The following TYW1B variants were observed in gnomAD, a reference collection of about 807,000 sequenced individuals.
TYW1B encodes the protein S-adenosyl-L-methionine-dependent tRNA 4-demethylwyosine synthase TYW1B.
TYW1B carries 73 observed loss-of-function variants against 86.9 expected under a neutral mutation model. The observed-to-expected ratio is 0.84, with a 90% confidence interval of 0.70 to 1.02. TYW1B has a LOEUF of 1.02. TYW1B is among the 50% of genes least tolerant of loss of function. TYW1B has a pLI of 0.00. For missense variants in TYW1B, 637 were observed against 827.4 expected (o/e 0.77, Z 2.82); for synonymous variants, 248 against 292.8 (o/e 0.85, Z 1.56).
chr7:72,760,118 C>T (rs1554466947), intron 7 of TYW1B, among the ~76,000 whole-genome samples: 1 of 152,108 alleles, frequency 6.6e-6, no homozygotes, highest in Admixed American at 6.6e-5. Context: ...TTAAGCAAAC[C>T]AGACAGGCAA....
At chr7:72,685,749 G>C (rs1486493712) in intron 11 of TYW1B, among the ~76,000 whole-genome samples, 1 of 152,114 alleles carries the variant, frequency 6.6e-6, no homozygotes, top group Admixed American at 6.6e-5. Context: ...CCTGGATTTG[G>C]AAATAACTTT....
In TYW1B at chr7:72,716,031, A is replaced by G. The variant is rs192980084; in HGVS notation, c.1193-2233T>C. Among the ~76,000 whole-genome samples, 1,024 of 152,290 alleles carry G rather than the reference A, an allele frequency of 6.7e-3. 13 individuals are homozygous for G. The highest frequency in any genetic ancestry group is 0.021 in the African/African-American group (882 of 41,562). On this transcript the variant is annotated intron_variant, in intron 9 of 13. Transcript: ENST00000620995. Reference sequence around the variant, plus strand: ...CTGCAAGCTCCACCTCCTCGGTTCAAGCCATTCTCCTGCCTCAGCCTCCCG... The same window carrying G: ...CTGCAAGCTCCACCTCCTCGGTTCAGGCCATTCTCCTGCCTCAGCCTCCCG...
chr7:72,638,698 T>C (rs1812728228), intron 11 of TYW1B, among the ~76,000 whole-genome samples: 1 of 152,194 alleles, frequency 6.6e-6, no homozygotes, highest in Non-Finnish European at 1.5e-5. Flanking sequence ...AGAAAACAGA[T>C]TTGGAAGAAA....
chr7:72,599,339 A>C (rs1427561604), intron 13 of TYW1B, among the ~76,000 whole-genome samples: 2 of 152,230 alleles, frequency 1.3e-5, no homozygotes, highest in Admixed American at 6.5e-5. Flanking sequence ...ATTGTAACTG[A>C]TTTATGATTA....
In TYW1B at chr7:72,665,652, C is replaced by T. The variant is rs376109927; in HGVS notation, c.1506+29035G>A. ...TCTTCTGAATTACCAAGTGGTTGCG[C>T]TTTGTTTACACTTTTGTTGGTCTTG... is the stretch of plus-strand genomic sequence containing the variant. On this transcript the variant is annotated intron_variant, in intron 11 of 13. Coordinates refer to ENST00000620995, the MANE Select transcript of TYW1B (RefSeq NM_001145440.3). Among the ~76,000 whole-genome samples, 8 of 152,264 alleles carry T rather than the reference C, an allele frequency of 5.3e-5. No individual in the cohort carries two copies. The East Asian group carries it at 1.4e-3, about 26-fold the overall frequency.
intron 11 of TYW1B, among the ~76,000 whole-genome samples, chr7:72,667,216 T>C (rs1813487114): frequency 6.6e-6 from 1 of 151,882 alleles, no homozygotes; most frequent in African/African-American, 2.4e-5. Context: ...AAGAAGCAAA[T>C]TAGTAGGCCT....
intron 13 of TYW1B, among the ~76,000 whole-genome samples, chr7:72,609,015 C>T (rs6954801): frequency 0.023 from 3,436 of 152,240 alleles, 140 homozygotes; most frequent in African/African-American, 0.076. Flanking sequence ...GTTGTACCAA[C>T]GTCTATTTCC....
intron 2 of TYW1B, among the ~76,000 whole-genome samples, chr7:72,824,654 T>C (rs1451191775): frequency 1.3e-5 from 2 of 151,892 alleles, no homozygotes; most frequent in African/African-American, 2.4e-5. Context: ...GGCAGGAGAA[T>C]TGCTCGAACC....
intron 6 of TYW1B, among the ~76,000 whole-genome samples, chr7:72,781,470 G>C (rs1788048012): frequency 1.3e-5 from 2 of 152,092 alleles, no homozygotes; most frequent in African/African-American, 4.8e-5. Flanking sequence ...CCAGCCTCCA[G>C]CTCAGGGAGA....
intron 8 of TYW1B, among the ~76,000 whole-genome samples, chr7:72,730,562 A>T (rs529058320): frequency 1.7e-4 from 26 of 150,070 alleles, no homozygotes; most frequent in Non-Finnish European, 1.3e-4. Context: ...AAAAGAAGAA[A>T]AGGAGAAAAG....
At chr7:72,723,870 T>C (rs1411606368) in intron 9 of TYW1B, among the ~76,000 whole-genome samples, 1 of 151,918 alleles carries the variant, frequency 6.6e-6, no homozygotes, top group African/African-American at 2.4e-5. Context: ...CTGTCAAAGT[T>C]ATCATTTTAA....
intron 11 of TYW1B, among the ~76,000 whole-genome samples, chr7:72,691,791 T>C (rs1450747439): frequency 2.6e-5 from 4 of 152,204 alleles, no homozygotes; most frequent in African/African-American, 9.6e-5. Context: ...AAAGAAGGCA[T>C]GGATTTAACT....
At chr7:72,745,007 C>T (rs1554463438) in intron 7 of TYW1B, among the ~76,000 whole-genome samples, 1 of 152,176 alleles carries the variant, frequency 6.6e-6, no homozygotes, top group African/African-American at 2.4e-5. Context: ...TAAGGGAATG[C>T]ATCCTGGAGT....
intron 3 of TYW1B, among the ~76,000 whole-genome samples, chr7:72,812,701 G>GTT (rs1422203647): frequency 2.0e-4 from 27 of 138,228 alleles, no homozygotes; most frequent in Non-Finnish European, 3.0e-4. Context: ...GCCTTTTGGG[G>GTT]TTTTTTTTTT....
chr7:72,735,152 C>T (rs1554460744), intron 8 of TYW1B, among the ~76,000 whole-genome samples: 1 of 152,188 alleles, frequency 6.6e-6, no homozygotes, highest in Non-Finnish European at 1.5e-5. Flanking sequence ...CAGCTGCATT[C>T]TCATGCTTAT....
intron 6 of TYW1B, among the ~76,000 whole-genome samples, chr7:72,798,199 C>G (rs1473125968): frequency 6.6e-6 from 1 of 151,744 alleles, no homozygotes; most frequent in Non-Finnish European, 1.5e-5. Context: ...GTCAGGAGAT[C>G]GAGACCACGG....
At chr7:72,647,390 G>A (rs1443587988) in intron 11 of TYW1B, among the ~76,000 whole-genome samples, 1 of 152,180 alleles carries the variant, frequency 6.6e-6, no homozygotes, top group Non-Finnish European at 1.5e-5. Flanking sequence ...TATGAACAAA[G>A]ACTGATGAAT....
At chr7:72,726,689 T>C (rs1554458782) in intron 9 of TYW1B, among the ~76,000 whole-genome samples, 1 of 152,108 alleles carries the variant, frequency 6.6e-6, no homozygotes, top group Admixed American at 6.6e-5. Flanking sequence ...TTTTATAAAT[T>C]ACTACTGATC....
chr7:72,675,481 T>C (rs1554447219), intron 11 of TYW1B, among the ~76,000 whole-genome samples: 1 of 151,664 alleles, frequency 6.6e-6, no homozygotes, highest in Non-Finnish European at 1.5e-5. Context: ...CTACACATTA[T>C]TAGTTTTGAC....
Sources: gnomAD v4.1 joint callset for allele counts (sites outside exome capture counted in the v4.1 genomes callset) on GRCh38, gnomAD v4.1.1 for gene constraint, MANE v1.5 for transcripts, NCBI Gene and HGNC (gene_info 2026-07-23, HGNC 2026-07-21) for gene names.